ITGA1: variants seen among roughly 807,000 people sequenced by gnomAD.
ITGA1 encodes integrin alpha-1.
A neutral mutation model predicts 145.9 loss-of-function variants in ITGA1; 85 were observed. The ratio of observed to expected loss-of-function variants is 0.58; its 90% confidence interval spans 0.49 to 0.70. The LOEUF (loss-of-function observed/expected upper bound fraction) is 0.70, where lower values mean the gene tolerates loss of function less well. Among genes scored for constraint, ITGA1 ranks in the 30% least tolerant of loss-of-function variants. The pLI is 0.00. For synonymous variants in ITGA1, 520 were observed against 495.3 expected (o/e 1.05, Z -0.66); for missense variants, 1,351 against 1,418.7 (o/e 0.95, Z 0.77).
intron 6 of ITGA1, chr5:52,867,163 G>A (rs1386231334): frequency 6.6e-6 from 1 of 151,952 alleles, no homozygotes; most frequent in Non-Finnish European, 1.5e-5. Context: ...GTGTCTTCAT[G>A]TGTCTGTGTA....
In ITGA1 at chr5:52,920,470, CA is replaced by C. The variant is rs1750714842; in HGVS notation, c.2292+4del. The C allele has an allele frequency of 6.3e-7, 1 of 1,590,844 alleles. No individual in the cohort carries two copies. Among genetic ancestry groups the C allele is most frequent in the Admixed American group, 1.8e-5 (1 of 55,148 alleles). On this transcript the variant is annotated splice_donor_region_variant and intron_variant, in intron 17 of 28. Transcript: ENST00000282588. ...ACTAAGCACTCCTTCTACATGTTGG[CA>C]AGTAAATCATATATCGTTGCTGCCT...
intron 1 of ITGA1, among the ~76,000 whole-genome samples, chr5:52,844,321 G>T (rs542031418): frequency 6.6e-6 from 1 of 152,126 alleles, no homozygotes; most frequent in African/African-American, 2.4e-5. Flanking sequence ...CATTGCTATT[G>T]TAGAAAAGTC....
At position 52,800,950 on chromosome 5, in the gene ITGA1, T is replaced by C. The variant is rs201423354; in HGVS notation, c.61+12536T>C. 4.3e-6 allele frequency: 7 copies of C among 1,614,194 alleles called. No homozygotes were observed. In the African/African-American group the frequency reaches 9.3e-5, roughly 22 times the overall value. Reference sequence around the variant, plus strand: ...GCATGACCGGGCCTTGGAGCGGTTCTATGAACAGGTGGTCCAGGCTATCCA... The same window carrying C: ...GCATGACCGGGCCTTGGAGCGGTTCCATGAACAGGTGGTCCAGGCTATCCA... On this transcript the variant is annotated intron_variant, in intron 1 of 28. Transcript: ENST00000282588.
intron 24 of ITGA1, among the ~76,000 whole-genome samples, 183 bp from the exon 25 acceptor site, chr5:52,939,407 G>C (rs1223261514): frequency 2.0e-5 from 3 of 152,050 alleles, no homozygotes; most frequent in Non-Finnish European, 4.4e-5. Context: ...ATTATCTTGG[G>C]GTGGATATAT....
At chr5:52,861,391 T>G in intron 2 of ITGA1, 56 bp from the exon 3 acceptor site, 1 of 986,570 alleles carries the variant, frequency 1.0e-6, no homozygotes, top group Non-Finnish European at 1.6e-6. Context: ...ATAAAACAAC[T>G]CATATAAACT....
chr5:52,924,236 T>G (rs1319534661), intron 18 of ITGA1, among the ~76,000 whole-genome samples: 1 of 152,092 alleles, frequency 6.6e-6, no homozygotes, highest in Non-Finnish European at 1.5e-5. Context: ...AGGTATTAAG[T>G]AGTAATTAGA....
chr5:52,905,638 A>G, intron 11 of ITGA1, 125 bp from the exon 12 acceptor site: 1 of 823,258 alleles, frequency 1.2e-6, no homozygotes, highest in Non-Finnish European at 1.8e-6. Context: ...CATTGAAGAA[A>G]AAATATTATT....
At chr5:52,858,868 T>C (rs1409806040) in intron 2 of ITGA1, among the ~76,000 whole-genome samples, 2 of 152,176 alleles carry the variant, frequency 1.3e-5, no homozygotes, top group African/African-American at 4.8e-5. Flanking sequence ...TACATTAACT[T>C]ATTTATTTTT....
chr5:52,791,090 C>T (rs1037219820), intron 1 of ITGA1, among the ~76,000 whole-genome samples: 2 of 152,160 alleles, frequency 1.3e-5, no homozygotes, highest in African/African-American at 4.8e-5. Context: ...TATATTAGCT[C>T]CTTACAACGT....
intron 2 of ITGA1, among the ~76,000 whole-genome samples, chr5:52,856,645 A>G (rs1018083898): frequency 2.6e-5 from 4 of 151,344 alleles, no homozygotes; most frequent in Admixed American, 2.0e-4. Context: ...TCACTAGACA[A>G]CTGCAGCTAT....
intron 6 of ITGA1, chr5:52,867,078 AGACT>A (rs1045154953): frequency 4.0e-5 from 6 of 151,612 alleles, no homozygotes; most frequent in Non-Finnish European, 7.4e-5. Flanking sequence ...CTGAAAAAGC[AGACT>A]GACTGCGTTA....
chr5:52,841,317 T>G (rs562583669), intron 1 of ITGA1, among the ~76,000 whole-genome samples: 1 of 152,352 alleles, frequency 6.6e-6, no homozygotes, highest in East Asian at 1.9e-4. Flanking sequence ...GATTATGATG[T>G]CATTTCCAAA....
intron 14 of ITGA1, among the ~76,000 whole-genome samples, chr5:52,911,582 A>G (rs1274073378): frequency 2.9e-5 from 2 of 70,054 alleles, no homozygotes; most frequent in Non-Finnish European, 3.1e-5. Context: ...TACTATATAT[A>G]TAGTGTATCT....
At chr5:52,795,621 A>G (rs1359725026) in intron 1 of ITGA1, among the ~76,000 whole-genome samples, 8 of 151,962 alleles carry the variant, frequency 5.3e-5, no homozygotes, top group Admixed American at 5.2e-4. Context: ...AAGATTATCC[A>G]TCAGTCAACT....
In ITGA1 at chr5:52,957,614, T is replaced by C. The variant is rs547268459; in HGVS notation, c.*5163T>C. 1 of 152,400 alleles carries C rather than the reference T, an allele frequency of 6.6e-6. No individual in the cohort carries two copies. Among genetic ancestry groups the C allele is most frequent in the Admixed American group, 6.5e-5 (1 of 15,292 alleles). 9.4% of individuals were successfully genotyped at this position (152,400 alleles called of 1,614,324 possible). On this transcript the variant is annotated 3_prime_UTR_variant, in exon 29 of 29. Transcript: ENST00000282588. Reference sequence around the variant, plus strand: ...CAATTTGCAGGATCTCTTTTCCTTCTGCCTTCCAGTTGGCTTCTCTTCTCA... The same window carrying C: ...CAATTTGCAGGATCTCTTTTCCTTCCGCCTTCCAGTTGGCTTCTCTTCTCA...
At chr5:52,869,755 T>G (rs561652225) in intron 6 of ITGA1, among the ~76,000 whole-genome samples, 9 of 152,344 alleles carry the variant, frequency 5.9e-5, no homozygotes, top group African/African-American at 1.9e-4. Flanking sequence ...CTTTTTTCTA[T>G]AACTGGTATT....
At chr5:52,881,814 A>G in intron 6 of ITGA1, 59 bp from the exon 7 acceptor site, 1 of 1,505,130 alleles carries the variant, frequency 6.6e-7, no homozygotes, top group East Asian at 2.3e-5. Context: ...GGTTAACCTG[A>G]AGAAATCTGA....
At chr5:52,842,497 A>G (rs1444049738) in intron 1 of ITGA1, among the ~76,000 whole-genome samples, 1 of 152,228 alleles carries the variant, frequency 6.6e-6, no homozygotes, top group Non-Finnish European at 1.5e-5. Context: ...GCCAAATGGT[A>G]TACTGATTCT....
intron 6 of ITGA1, among the ~76,000 whole-genome samples, chr5:52,874,726 A>T (rs1048564665): frequency 2.6e-5 from 4 of 152,020 alleles, no homozygotes; most frequent in Non-Finnish European, 4.4e-5. Flanking sequence ...CAAGAGCAAT[A>T]AAAAAAATCA....
Sources: gnomAD v4.1 joint callset for allele counts (sites outside exome capture counted in the v4.1 genomes callset) on GRCh38, gnomAD v4.1.1 for gene constraint, MANE v1.5 for transcripts, NCBI Gene and HGNC (gene_info 2026-07-23, HGNC 2026-07-21) for gene names.